Variants in MUSK observed in about 807,000 individuals in gnomAD.
MUSK encodes the protein muscle associated receptor tyrosine kinase.
In MUSK, 55 loss-of-function variants were observed where a neutral mutation model predicts 88.7. The ratio of observed to expected loss-of-function variants is 0.62; its 90% CI spans 0.50 to 0.78. MUSK has a LOEUF of 0.78. MUSK is among the 30% of genes least tolerant of loss of function. MUSK has a pLI of 0.00. For synonymous variants in MUSK, 387 were observed against 391.9 expected (o/e 0.99, Z 0.15); for missense variants, 1,015 against 1,074.3 (o/e 0.94, Z 0.77).
At chr9:110,697,568 A>T (rs2076449242) in intron 5 of MUSK, 102 bp downstream of exon 5, 1 of 1,233,972 alleles carries the variant, frequency 8.1e-7, no homozygotes, top group Non-Finnish European at 1.1e-6. Context: ...TGGGCAGCCC[A>T]CTTCCCTCAG....
Position 110,697,375 on chromosome 9 carries a change from C to T in MUSK, c.537C>T (p.Asn179=), listed in dbSNP as rs41279051. The T allele has an allele frequency of 0.17, 278,815 of 1,610,998 alleles. 25,666 individuals carry two copies. The highest frequency in any genetic ancestry group is 0.19 in the East Asian group (8,310 of 44,762). The change falls in exon 5 of 15, where the codon AAC becomes AAT. Residue 179 remains asparagine, a synonymous_variant. Coordinates refer to ENST00000374448, the MANE Select transcript of MUSK (RefSeq NM_005592.4). ...VLESGSLRIH[N]VQKEDAGQYR... is the part of the protein sequence containing the mutation. ...AATCTGGGAGCTTGAGGATTCATAA[C>T]GTACAAAAGGAAGATGCAGGACAGT...
At chr9:110,780,478 AGTTATTTT>A (rs2077733668) in intron 11 of MUSK, among the ~76,000 whole-genome samples, 1 of 152,192 alleles carries the variant, frequency 6.6e-6, no homozygotes, top group South Asian at 2.1e-4. Flanking sequence ...TGTATCCTGA[AGTTATTTT>A]CTGATTCAAT....
At chr9:110,716,939 T>C (rs2076752116) in intron 5 of MUSK, among the ~76,000 whole-genome samples, 1 of 149,944 alleles carries the variant, frequency 6.7e-6, no homozygotes. Flanking sequence ...ATTAATATCA[T>C]TACCACATTT....
At chr9:110,748,730 T>C (rs1379382761) in intron 7 of MUSK, among the ~76,000 whole-genome samples, 1 of 152,194 alleles carries the variant, frequency 6.6e-6, no homozygotes, top group African/African-American at 2.4e-5. Flanking sequence ...GTGCCACCTC[T>C]TTGATCTTCC....
At chr9:110,781,553 G>T (rs573535553) in intron 11 of MUSK, among the ~76,000 whole-genome samples, 21 of 152,142 alleles carry the variant, frequency 1.4e-4, no homozygotes, top group Non-Finnish European at 3.1e-4. Context: ...TGGGATTACA[G>T]GCGTGAGCTA....
intron 3 of MUSK, among the ~76,000 whole-genome samples, chr9:110,693,279 T>G (rs1423607340): frequency 6.6e-6 from 1 of 152,214 alleles, no homozygotes; most frequent in Admixed American, 6.5e-5. Flanking sequence ...TTGCCTTCTT[T>G]TTTCCAACCT....
At chr9:110,729,803 C>T (rs1168889570) in intron 5 of MUSK, among the ~76,000 whole-genome samples, 1 of 152,028 alleles carries the variant, frequency 6.6e-6, no homozygotes, top group African/African-American at 2.4e-5. Flanking sequence ...AAGTATTCCT[C>T]TGGCACTGCT....
chr9:110,790,177 A>T (rs2077948797), intron 14 of MUSK, among the ~76,000 whole-genome samples: 2 of 152,214 alleles, frequency 1.3e-5, no homozygotes, highest in Non-Finnish European at 2.9e-5. Flanking sequence ...CATTAAGTCA[A>T]GTGAGAGGAG....
chr9:110,784,097 T>C (rs1335121171), intron 11 of MUSK, among the ~76,000 whole-genome samples: 3 of 152,142 alleles, frequency 2.0e-5, no homozygotes, highest in Non-Finnish European at 4.4e-5. Context: ...ACAAAGGTCA[T>C]TCTTAGCTAT....
intron 6 of MUSK, among the ~76,000 whole-genome samples, chr9:110,738,065 A>G (rs191916867): frequency 3.2e-4 from 49 of 152,246 alleles, no homozygotes; most frequent in Non-Finnish European, 6.6e-4. Flanking sequence ...GAAATTTTCC[A>G]TGACTTTGTA....
At chr9:110,788,675 C>T (rs1238183632) in intron 14 of MUSK, among the ~76,000 whole-genome samples, 1 of 148,886 alleles carries the variant, frequency 6.7e-6, no homozygotes, top group African/African-American at 2.5e-5. Flanking sequence ...ATAGAGCATA[C>T]ATTCACTCTA....
At chr9:110,736,156 C>CA (rs2077028173) in intron 6 of MUSK, among the ~76,000 whole-genome samples, 3 of 152,002 alleles carry the variant, frequency 2.0e-5, no homozygotes, top group South Asian at 4.1e-4. Context: ...GTTCCTAGCA[C>CA]AAAAAAATGA....
At chr9:110,765,089 A>C (rs1012955034) in intron 8 of MUSK, among the ~76,000 whole-genome samples, 4 of 152,076 alleles carry the variant, frequency 2.6e-5, no homozygotes, top group African/African-American at 9.7e-5. Context: ...TTTTTTAAAA[A>C]AGTGTGTTTT....
chr9:110,724,644 A>T (rs1380972295), intron 5 of MUSK, among the ~76,000 whole-genome samples: 1 of 152,036 alleles, frequency 6.6e-6, no homozygotes, highest in Admixed American at 6.6e-5. Flanking sequence ...CTCAGCAGTG[A>T]CTACTTATCT....
chr9:110,695,791 G>T (rs549814925), intron 4 of MUSK, among the ~76,000 whole-genome samples: 2 of 152,130 alleles, frequency 1.3e-5, no homozygotes, highest in African/African-American at 2.4e-5. Context: ...GGAATCCTTT[G>T]TATTTGTTGG....
intron 5 of MUSK, among the ~76,000 whole-genome samples, chr9:110,700,831 GT>G (rs1302584154): frequency 7.2e-5 from 11 of 152,062 alleles, no homozygotes; most frequent in Non-Finnish European, 1.0e-4. Context: ...GACAGTTCTG[GT>G]TTACACCTGT....
Position 110,747,229 on chromosome 9 carries a change from C to T in MUSK, c.754-412C>T, listed in dbSNP as rs575863244. The stretch of plus-strand genomic sequence containing the variant: ...GTAGTTGGTTCAGAATAGCCTTATG[C>T]GTACCTTGGATGGTTGTTGTTGGTT... On this transcript the variant is annotated intron_variant, in intron 6 of 14. Coordinates refer to ENST00000374448, the MANE Select transcript of MUSK (RefSeq NM_005592.4). 1.8e-4 allele frequency among the ~76,000 whole-genome samples: 28 copies of T among 152,272 alleles called. No homozygotes were observed. The East Asian group carries it at 5.0e-3, about 27-fold the overall frequency.
At chr9:110,723,693 T>A (rs1296372137) in intron 5 of MUSK, among the ~76,000 whole-genome samples, 1 of 152,008 alleles carries the variant, frequency 6.6e-6, no homozygotes, top group African/African-American at 2.4e-5. Context: ...AGGCAAAAAA[T>A]TTTGATTCAG....
intron 1 of MUSK, among the ~76,000 whole-genome samples, chr9:110,675,628 G>A (rs1198519669): frequency 2.9e-5 from 4 of 139,216 alleles, no homozygotes; most frequent in Non-Finnish European, 1.5e-5. Context: ...GGAGTGCAGC[G>A]GTGCGGTCTC....
Sources: allele counts gnomAD v4.1 joint callset (sites outside exome capture counted in the v4.1 genomes callset), GRCh38; gene constraint gnomAD v4.1.1; transcripts MANE v1.5; gene names NCBI Gene and HGNC (gene_info 2026-07-23, HGNC 2026-07-21).